POU2F1: variants seen among roughly 807,000 people sequenced by gnomAD.
POU2F1 encodes POU domain, class 2, transcription factor 1.
POU2F1 carries 16 observed loss-of-function variants against 84.9 expected under a neutral mutation model. The observed-to-expected ratio is 0.19, with a 90% CI of 0.13 to 0.29. The LOEUF is 0.29. POU2F1 is among the 10% of genes least tolerant of loss of function. The pLI is 1.00. For missense variants in POU2F1, 738 were observed against 942.6 expected, an observed-to-expected ratio of 0.78 and a Z score of 2.84; for synonymous variants, 368 against 368.3, an observed-to-expected ratio of 1.00 and a Z score of 0.01.
chr1:167,283,463 A>G (rs535514139), intron 1 of POU2F1, among the ~76,000 whole-genome samples: 1 of 152,324 alleles, frequency 6.6e-6, no homozygotes, highest in Non-Finnish European at 1.5e-5. Flanking sequence ...AGAATCCAGT[A>G]AATGTTTGCT....
chr1:167,396,087 G>A (rs930240582), intron 9 of POU2F1, among the ~76,000 whole-genome samples, 199 bp from the exon 10 acceptor site: 17 of 152,122 alleles, frequency 1.1e-4, no homozygotes, highest in African/African-American at 1.4e-4. Context: ...ACATTGTAAC[G>A]ATCAGGCCTA....
chr1:167,414,163 T>C (rs540362403), intron 15 of POU2F1, among the ~76,000 whole-genome samples: 3 of 152,296 alleles, frequency 2.0e-5, no homozygotes, highest in Non-Finnish European at 4.4e-5. Context: ...TACCTTACAT[T>C]ATATTGACTT....
chr1:167,305,289 G>A (rs564187672), intron 1 of POU2F1, among the ~76,000 whole-genome samples: 2 of 151,886 alleles, frequency 1.3e-5, no homozygotes, highest in Non-Finnish European at 2.9e-5. Context: ...CCAGACTCAC[G>A]TGATCATCCC....
At position 167,393,563 on chromosome 1, in the gene POU2F1, A is replaced by G. The variant is rs557823488; in HGVS notation, c.988-2723A>G. On this transcript the variant is annotated intron_variant, in intron 9 of 15. Coordinates refer to ENST00000367866, the MANE Select transcript of POU2F1 (RefSeq NM_002697.4). ...GCTCTGGCTGGAGTGCAGTGGCACA[A>G]TTATAGCTCACTGCAGCCTCAAACT... Among the ~76,000 whole-genome samples, 18 of 152,218 alleles carry G rather than the reference A, an allele frequency of 1.2e-4. No individual in the cohort carries two copies. In the South Asian group the frequency reaches 3.5e-3, roughly 30 times the overall value.
intron 1 of POU2F1, among the ~76,000 whole-genome samples, chr1:167,235,813 G>A (rs1649408995): frequency 6.6e-6 from 1 of 152,138 alleles, no homozygotes; most frequent in Admixed American, 6.5e-5. Context: ...AATCCTAAGT[G>A]AATTAATGCA....
At chr1:167,343,879 A>G (rs924260144) in intron 2 of POU2F1, among the ~76,000 whole-genome samples, 2 of 151,672 alleles carry the variant, frequency 1.3e-5, no homozygotes, top group African/African-American at 4.8e-5. Flanking sequence ...GATGTGGGCA[A>G]TTGAAGATAG....
At chr1:167,382,565 A>G (rs186726539) in intron 7 of POU2F1, among the ~76,000 whole-genome samples, 14 of 152,320 alleles carry the variant, frequency 9.2e-5, no homozygotes, top group Admixed American at 9.2e-4. Flanking sequence ...TTTAATTGGG[A>G]AATAATAAGA....
chr1:167,358,781 T>A (rs1659157793), intron 2 of POU2F1, among the ~76,000 whole-genome samples: 1 of 143,734 alleles, frequency 7.0e-6, no homozygotes, highest in African/African-American at 2.5e-5. Flanking sequence ...CTTGAACTCC[T>A]GGCCTCAAGT....
At chr1:167,225,684 CCTG>C (rs1648579096) in intron 1 of POU2F1, among the ~76,000 whole-genome samples, 1 of 152,130 alleles carries the variant, frequency 6.6e-6, no homozygotes, top group Non-Finnish European at 1.5e-5. Context: ...AAATATTTGA[CCTG>C]CTTCTTGAAT....
At chr1:167,372,075 GT>G (rs1557935296) in intron 5 of POU2F1, 39 bp downstream of exon 5, 2 of 1,590,570 alleles carry the variant, frequency 1.3e-6, no homozygotes, top group Non-Finnish European at 8.6e-7. Context: ...AACTTTTTCT[GT>G]GTCAGAACTG....
At chr1:167,238,794 TAAATAC>T (rs980813932) in intron 1 of POU2F1, among the ~76,000 whole-genome samples, 5 of 152,180 alleles carry the variant, frequency 3.3e-5, no homozygotes, top group Non-Finnish European at 7.4e-5. Flanking sequence ...GTTTTCAGAG[TAAATAC>T]TGGGTTGCAT....
chr1:167,281,856 T>C (rs1367939069), intron 1 of POU2F1, among the ~76,000 whole-genome samples: 2 of 152,336 alleles, frequency 1.3e-5, no homozygotes, highest in East Asian at 3.9e-4. Flanking sequence ...CAACGGTGCA[T>C]CACATTAAAC....
chr1:167,396,959 G>A (rs1271493647), intron 10 of POU2F1: 1 of 152,792 alleles, frequency 6.5e-6, no homozygotes, highest in Non-Finnish European at 1.5e-5. Context: ...AAAGCTGTAG[G>A]AGTCATGTAG....
intron 11 of POU2F1, among the ~76,000 whole-genome samples, chr1:167,398,445 C>T (rs923871404): frequency 2.6e-5 from 4 of 152,062 alleles, no homozygotes; most frequent in African/African-American, 9.7e-5. Context: ...AGAGGAAATG[C>T]ATGAGCGTTT....
chr1:167,340,237 T>C (rs1171426726), intron 2 of POU2F1, among the ~76,000 whole-genome samples: 1 of 151,042 alleles, frequency 6.6e-6, no homozygotes, highest in African/African-American at 2.4e-5. Context: ...GCAACCACCA[T>C]GCCTGACTAA....
chr1:167,301,417 T>C (rs1654694654), intron 1 of POU2F1, among the ~76,000 whole-genome samples: 1 of 152,232 alleles, frequency 6.6e-6, no homozygotes, highest in Admixed American at 6.5e-5. Context: ...TTTTAAAAAT[T>C]GTTCTTAACT....
At chr1:167,235,695 CT>C (rs1649398217) in intron 1 of POU2F1, among the ~76,000 whole-genome samples, 1 of 152,180 alleles carries the variant, frequency 6.6e-6, no homozygotes, top group African/African-American at 2.4e-5. Flanking sequence ...TATATACTTG[CT>C]GTTTTTCCCC....
chr1:167,411,041 CTTT>C (rs749882885), intron 13 of POU2F1, among the ~76,000 whole-genome samples: 1 of 144,108 alleles, frequency 6.9e-6, no homozygotes, highest in Admixed American at 7.0e-5. Flanking sequence ...CAAATAATTT[CTTT>C]TTTTTTTTTT....
At chr1:167,221,195 T>C (rs1468358486) in intron 1 of POU2F1, among the ~76,000 whole-genome samples, 2 of 151,048 alleles carry the variant, frequency 1.3e-5, no homozygotes, top group Admixed American at 1.3e-4. Context: ...TCCACTGCCC[T>C]CCTCCTGCAC....
Sources: gnomAD v4.1 joint callset for allele counts (sites outside exome capture counted in the v4.1 genomes callset) on GRCh38, gnomAD v4.1.1 for gene constraint, MANE v1.5 for transcripts, NCBI Gene and HGNC (gene_info 2026-07-23, HGNC 2026-07-21) for gene names.